The following ANAPC7 variants were observed in gnomAD, a reference collection of about 807,000 sequenced individuals.
ANAPC7 encodes anaphase-promoting complex subunit 7.
In ANAPC7, 25 loss-of-function variants were observed where a neutral mutation model predicts 63.3. The observed-to-expected ratio is 0.39, with a 90% CI of 0.29 to 0.55. The LOEUF (loss-of-function observed/expected upper bound fraction) is 0.55, where lower values mean the gene tolerates loss of function less well. Ranked by LOEUF, ANAPC7 falls within the 20% of genes least tolerant of loss-of-function variation. ANAPC7 has a pLI of 0.57. For synonymous variants in ANAPC7, 241 were observed against 251.7 expected (o/e 0.96, Z 0.40); for missense variants, 516 against 691.7 (o/e 0.75, Z 2.85).
chr12:110,387,517 CAG>C, intron 5 of ANAPC7: 1 of 416,044 alleles, frequency 2.4e-6, no homozygotes, highest in Non-Finnish European at 4.2e-6. Context: ...TGTGCAGGCA[CAG>C]AGCTAAACTC....
chr12:110,398,994 A>G (rs989493522), intron 1 of ANAPC7, among the ~76,000 whole-genome samples: 1 of 152,020 alleles, frequency 6.6e-6, no homozygotes, highest in African/African-American at 2.4e-5. Context: ...AGTTGCTTAT[A>G]TGAAAGAACA....
intron 8 of ANAPC7, among the ~76,000 whole-genome samples, chr12:110,381,337 G>T (rs55805203): frequency 0.078 from 11,805 of 151,500 alleles, 480 homozygotes; most frequent in Middle Eastern, 0.11. Flanking sequence ...TTTTTTTGTT[G>T]TTGTTGTTGT....
In ANAPC7 at chr12:110,403,118, G is replaced by A. The variant is rs190834930; in HGVS notation, c.101+409C>T. Among the ~76,000 whole-genome samples the A allele has an allele frequency of 8.4e-4, 128 of 152,276 alleles. 1 individual carries two copies. Among genetic ancestry groups the A allele is most frequent in the Non-Finnish European group, 7.9e-4 (54 of 68,010 alleles). On this transcript the variant is annotated intron_variant, in intron 1 of 10. Transcript: ENST00000455511. ...AACGGGGGGACCAATCTCAGATGCG[G>A]GGGCTAGCGCATAAAAACCAGGAGG...
chr12:110,383,875 CAAAAAAAAAA>C (rs1159374781), intron 6 of ANAPC7, among the ~76,000 whole-genome samples: 7 of 50,686 alleles, frequency 1.4e-4, no homozygotes, highest in Admixed American at 9.3e-4. Context: ...GACTCCGTCT[CAAAAAAAAAA>C]AAAAAAAAAA....
Position 110,377,518 on chromosome 12 carries a change from G to A in ANAPC7, c.1232C>T (p.Thr411Ile). Reference protein sequence around the residue: ...KTLGANAQTLTLLATVCLEDP... With the variant: ...KTLGANAQTLILLATVCLEDP... The stretch of plus-strand genomic sequence containing the variant: ...TTCAAGACAAACGGTGGCTAAAAGG[G>A]TAAGGGTCTGTGCATTTGCTCCCAG... The change falls in exon 9 of 11, where the codon ACC (threonine) becomes ATC (isoleucine). Residue 411 changes from threonine to isoleucine, a missense_variant. Transcript: ENST00000455511. 1 of 1,614,182 alleles carries A rather than the reference G, an allele frequency of 6.2e-7. No homozygotes were observed. The highest frequency in any genetic ancestry group is 8.5e-7 in the Non-Finnish European group (1 of 1,180,046).
At chr12:110,383,915 A>G in intron 6 of ANAPC7, among the ~76,000 whole-genome samples, 1 of 146,586 alleles carries the variant, frequency 6.8e-6, no homozygotes, top group African/African-American at 2.5e-5. Flanking sequence ...AAAAAGAAAA[A>G]AGAAGGGCCA....
chr12:110,389,081 T>TAAAA (rs778746037), intron 3 of ANAPC7, among the ~76,000 whole-genome samples: 3 of 98,310 alleles, frequency 3.1e-5, no homozygotes, highest in African/African-American at 8.6e-5. Flanking sequence ...GACTCCATCT[T>TAAAA]AAAAAAAAAA....
At chr12:110,375,771 T>C in intron 10 of ANAPC7, 1 of 1,058,424 alleles carries the variant, frequency 9.4e-7, no homozygotes, top group Non-Finnish European at 1.1e-6. Context: ...GGTACAGCCC[T>C]ATAAAAATAT....
chr12:110,375,222 C>T (rs1287268509), intron 10 of ANAPC7, among the ~76,000 whole-genome samples: 7 of 152,176 alleles, frequency 4.6e-5, no homozygotes, highest in Non-Finnish European at 7.3e-5. Flanking sequence ...CCCAGGGCTC[C>T]TGCCCTCTGG....
At chr12:110,385,159 C>T (rs1425906332) in intron 6 of ANAPC7, among the ~76,000 whole-genome samples, 4 of 152,114 alleles carry the variant, frequency 2.6e-5, no homozygotes, top group East Asian at 1.9e-4. Flanking sequence ...CCCAGCTACT[C>T]GGGAGGCTGA....
At chr12:110,384,664 ACT>A (rs892620198) in intron 6 of ANAPC7, among the ~76,000 whole-genome samples, 7 of 149,206 alleles carry the variant, frequency 4.7e-5, no homozygotes, top group East Asian at 3.9e-4. Flanking sequence ...AGCCTGTGAG[ACT>A]CTGTCTCACA....
At chr12:110,389,454 C>A (rs1882913744) in intron 3 of ANAPC7, among the ~76,000 whole-genome samples, 2 of 152,148 alleles carry the variant, frequency 1.3e-5, no homozygotes, top group Admixed American at 1.3e-4. Context: ...TAGACTCTAG[C>A]CTTTCTAACA....
At chr12:110,384,784 T>G (rs573901104) in intron 6 of ANAPC7, among the ~76,000 whole-genome samples, 1 of 152,210 alleles carries the variant, frequency 6.6e-6, no homozygotes, top group African/African-American at 2.4e-5. Flanking sequence ...CCTTCTATCC[T>G]GTGGTGTGAT....
Position 110,376,112 on chromosome 12 carries a change from C to T in ANAPC7, c.1462G>A (p.Val488Ile), listed in dbSNP as rs764584620. ...HRILGDFLVA[V>I]NEYQEAMDQY... ...TCCATTGCCTCCTGATACTCATTGA[C>T]AGCTACAAGGAAATCTCCTAGGATC... Residue 488 changes from valine to isoleucine, a missense_variant, in exon 10 of 11, where the codon GTC (valine) becomes ATC (isoleucine). Physicochemically the swap from Val to Ile is conservative, Grantham distance 29 (BLOSUM62 3). This residue lies in a region of ANAPC7 where 122 missense variants were observed against 212.0 expected (regional missense o/e 0.58). Transcript: ENST00000455511. The T allele has an allele frequency of 1.2e-6, 2 of 1,614,098 alleles. No homozygotes were observed. Among genetic ancestry groups the T allele is most frequent in the East Asian group, 2.2e-5 (1 of 44,880 alleles).
At chr12:110,389,306 C>T (rs1290528573) in intron 3 of ANAPC7, among the ~76,000 whole-genome samples, 3 of 152,120 alleles carry the variant, frequency 2.0e-5, no homozygotes, top group African/African-American at 7.2e-5. Flanking sequence ...GATGAACTAT[C>T]TCACATAAGA....
intron 1 of ANAPC7, among the ~76,000 whole-genome samples, chr12:110,400,492 A>G (rs1592933384): frequency 6.6e-6 from 1 of 152,342 alleles, no homozygotes; most frequent in Non-Finnish European, 1.5e-5. Context: ...GAAACTGCCA[A>G]TCTAACCCAA....
intron 6 of ANAPC7, among the ~76,000 whole-genome samples, chr12:110,383,495 C>G (rs1038354606): frequency 3.3e-5 from 5 of 151,772 alleles, no homozygotes; most frequent in Non-Finnish European, 5.9e-5. Flanking sequence ...TCCTGGCACT[C>G]TGGGTGGCAG....
intron 1 of ANAPC7, 122 bp from the exon 2 acceptor site, chr12:110,396,574 G>C (rs1238099942): frequency 2.8e-6 from 2 of 721,698 alleles, no homozygotes; most frequent in Admixed American, 3.3e-5. Context: ...GCAGTGGCAC[G>C]ATCTCGGCTC....
intron 3 of ANAPC7, among the ~76,000 whole-genome samples, chr12:110,391,557 T>C (rs749370734): frequency 3.9e-5 from 6 of 152,160 alleles, no homozygotes; most frequent in Non-Finnish European, 7.3e-5. Context: ...GAGGCACACA[T>C]CTTTGCTCCT....
Sources: allele counts gnomAD v4.1 joint callset (sites outside exome capture counted in the v4.1 genomes callset), GRCh38; gene constraint gnomAD v4.1.1; regional missense constraint gnomAD v4.1.1; transcripts MANE v1.5; gene names NCBI Gene and HGNC (gene_info 2026-07-23, HGNC 2026-07-21).